The following SEMA3A variants were observed in gnomAD, a reference collection of about 807,000 sequenced individuals.
The protein encoded by SEMA3A is semaphorin 3A.
Under a neutral mutation model 97.9 loss-of-function variants are expected in SEMA3A, and 29 were observed. That is an observed-to-expected ratio of 0.30 (90% confidence interval 0.22 to 0.40). The LOEUF (loss-of-function observed/expected upper bound fraction) is 0.40, where lower values mean the gene tolerates loss of function less well. Among genes scored for constraint, SEMA3A ranks in the 10% least tolerant of loss-of-function variants. The pLI is 1.00. For synonymous variants in SEMA3A, 321 were observed against 323.7 expected, an observed-to-expected ratio of 0.99 and a Z score of 0.09; for missense variants, 763 against 951.3, an observed-to-expected ratio of 0.80 and a Z score of 2.60.
intron 1 of SEMA3A, among the ~76,000 whole-genome samples, chr7:84,161,029 G>C (rs1797015034): frequency 6.6e-6 from 1 of 152,130 alleles, no homozygotes; most frequent in African/African-American, 2.4e-5. Flanking sequence ...ATGAAAGGTT[G>C]TTGTTGCATG....
chr7:84,102,338 GA>G (rs1331837891), intron 4 of SEMA3A, among the ~76,000 whole-genome samples: 1 of 152,116 alleles, frequency 6.6e-6, no homozygotes, highest in Non-Finnish European at 1.5e-5. Flanking sequence ...TTTCTATTGT[GA>G]AATATGAGTT....
At chr7:84,006,354 G>C (rs1462745296) in intron 10 of SEMA3A, among the ~76,000 whole-genome samples, 1 of 151,800 alleles carries the variant, frequency 6.6e-6, no homozygotes, top group Non-Finnish European at 1.5e-5. Context: ...GTACCATTGA[G>C]ATATGTAATA....
At chr7:84,348,855 G>A (rs888638396) in intron 2 of SEMA3A, among the ~76,000 whole-genome samples, 2 of 152,094 alleles carry the variant, frequency 1.3e-5, no homozygotes, top group African/African-American at 2.4e-5. Flanking sequence ...ATGGTGGCAG[G>A]TGCCTGTGAT....
At chr7:84,398,647 T>G (rs891989204) in intron 1 of SEMA3A, among the ~76,000 whole-genome samples, 8 of 150,848 alleles carry the variant, frequency 5.3e-5, no homozygotes, top group African/African-American at 1.7e-4. Flanking sequence ...TATATAATTT[T>G]TTTTGTTTTA....
At chr7:84,120,398 C>T (rs1385968240) in intron 3 of SEMA3A, among the ~76,000 whole-genome samples, 4 of 152,032 alleles carry the variant, frequency 2.6e-5, no homozygotes, top group Non-Finnish European at 4.4e-5. Flanking sequence ...GTCACTTAAA[C>T]GAGTTAACAT....
At chr7:84,172,943 A>C (rs1162947994) in intron 1 of SEMA3A, among the ~76,000 whole-genome samples, 1 of 152,104 alleles carries the variant, frequency 6.6e-6, no homozygotes, top group Non-Finnish European at 1.5e-5. Context: ...TTTGTTTCTG[A>C]GATATGTACC....
chr7:84,184,617 A>C (rs960051166), intron 1 of SEMA3A, among the ~76,000 whole-genome samples: 5 of 146,756 alleles, frequency 3.4e-5, no homozygotes, highest in African/African-American at 1.2e-4. Context: ...TAAGGGGAGA[A>C]ATCCTTTTTT....
chr7:84,183,704 A>G (rs1237589603), intron 1 of SEMA3A, among the ~76,000 whole-genome samples: 1 of 152,156 alleles, frequency 6.6e-6, no homozygotes, highest in Non-Finnish European at 1.5e-5. Flanking sequence ...CATTTTGCAC[A>G]TTCCAAGAAA....
At chr7:84,371,144 T>C (rs113423905) in intron 2 of SEMA3A, among the ~76,000 whole-genome samples, 173 of 151,872 alleles carry the variant, frequency 1.1e-3, no homozygotes, top group African/African-American at 4.0e-3. Context: ...TCCAGTAATA[T>C]TAGGTTTGTG....
intron 3 of SEMA3A, among the ~76,000 whole-genome samples, chr7:84,257,915 T>G: frequency 6.6e-6 from 1 of 152,366 alleles, no homozygotes; most frequent in East Asian, 1.9e-4. Context: ...ATTTTATTTC[T>G]ATATTAGACA....
intron 12 of SEMA3A, among the ~76,000 whole-genome samples, chr7:83,992,161 G>A (rs956186864): frequency 2.0e-5 from 3 of 150,468 alleles, no homozygotes; most frequent in African/African-American, 7.4e-5. Context: ...GGGATTGGTG[G>A]TGATATCCCC....
chr7:83,975,184 GT>G, intron 15 of SEMA3A, among the ~76,000 whole-genome samples: 1 of 152,074 alleles, frequency 6.6e-6, no homozygotes, highest in East Asian at 1.9e-4. Flanking sequence ...CCTTTGGTCA[GT>G]TTTTCCCCAT....
At chr7:84,152,560 G>C (rs1796707802) in intron 1 of SEMA3A, among the ~76,000 whole-genome samples, 1 of 109,778 alleles carries the variant, frequency 9.1e-6, no homozygotes, top group African/African-American at 3.5e-5. Flanking sequence ...GGGGAGGGGG[G>C]AGGGATAGCA....
At position 84,182,620 on chromosome 7, in the gene SEMA3A, C is replaced by T. The variant is rs1041654444; in HGVS notation, c.112+11855G>A. ...CATCCTCACATTAACTTCATGTACA[C>T]ACTCATGTGATTCCAATGAAATTAC... On this transcript the variant is annotated intron_variant, in intron 1 of 16. Coordinates refer to ENST00000265362, the MANE Select transcript of SEMA3A (RefSeq NM_006080.3). Among the ~76,000 whole-genome samples the T allele has an allele frequency of 5.3e-5, 8 of 152,088 alleles. No homozygotes were observed. In the South Asian group the frequency reaches 8.3e-4, roughly 16 times the overall value.
At chr7:84,316,364 T>G (rs1801500531) in intron 2 of SEMA3A, among the ~76,000 whole-genome samples, 1 of 151,892 alleles carries the variant, frequency 6.6e-6, no homozygotes, top group Non-Finnish European at 1.5e-5. Flanking sequence ...AATAAATTAG[T>G]TAATATTTTC....
chr7:84,189,261 T>C (rs1261183634), intron 1 of SEMA3A, among the ~76,000 whole-genome samples: 6 of 151,872 alleles, frequency 4.0e-5, no homozygotes, highest in Admixed American at 3.3e-4. Context: ...ATTTATCACA[T>C]ATTACTTTTT....
rs570152450 is a variant in SEMA3A at position 84,212,397 on chromosome 7, A to T, written c.-82-17729T>A. 1.2e-4 allele frequency among the ~76,000 whole-genome samples: 18 copies of T among 152,322 alleles called. No individual in the cohort carries two copies. In the South Asian group the frequency reaches 3.7e-3, roughly 32 times the overall value. The stretch of plus-strand genomic sequence containing the variant: ...CTTTTCTTTTAAATGATTCAATTTC[A>T]TCTACTTCTCCATTTCCCCAACAAG... On this transcript the variant is annotated intron_variant, in intron 3 of 3. Transcript: ENST00000424555.
chr7:84,089,580 C>T (rs1794499033), intron 4 of SEMA3A, among the ~76,000 whole-genome samples: 1 of 152,002 alleles, frequency 6.6e-6, no homozygotes, highest in Non-Finnish European at 1.5e-5. Flanking sequence ...TAAACTTATG[C>T]TATAATTGCA....
At chr7:84,088,861 C>T (rs1393523096) in intron 4 of SEMA3A, among the ~76,000 whole-genome samples, 1 of 151,874 alleles carries the variant, frequency 6.6e-6, no homozygotes, top group Non-Finnish European at 1.5e-5. Flanking sequence ...TGAAAGTATT[C>T]CTTTGTGAGT....
Sources: allele counts gnomAD v4.1 joint callset (sites outside exome capture counted in the v4.1 genomes callset), GRCh38; gene constraint gnomAD v4.1.1; transcripts MANE v1.5; gene names NCBI Gene and HGNC (gene_info 2026-07-23, HGNC 2026-07-21).